Variants in HSPG2 observed in about 807,000 individuals in gnomAD.
HSPG2 encodes the protein heparan sulfate proteoglycan 2.
Under a neutral mutation model 526.6 loss-of-function variants are expected in HSPG2, and 278 were observed. The ratio of observed to expected loss-of-function variants is 0.53; its 90% confidence interval spans 0.48 to 0.58. The LOEUF (loss-of-function observed/expected upper bound fraction) is 0.58. HSPG2 is among the 20% of genes least tolerant of loss of function. The pLI is 0.00. For synonymous variants in HSPG2, 2,465 were observed against 2,555.4 expected, an observed-to-expected ratio of 0.96 and a Z score of 1.07; for missense variants, 5,354 against 6,099.5, an observed-to-expected ratio of 0.88 and a Z score of 4.07.
intron 21 of HSPG2, among the ~76,000 whole-genome samples, chr1:21,877,743 C>T (rs1483137168): frequency 1.3e-5 from 2 of 152,108 alleles, no homozygotes; most frequent in South Asian, 4.1e-4. Context: ...AGTGATCCAC[C>T]CACCTCAGCC....
At position 21,832,612 on chromosome 1, in the gene HSPG2, T is replaced by C; in HGVS notation, c.11096-6A>G. On this transcript the variant is annotated splice_polypyrimidine_tract_variant and splice_region_variant and intron_variant, in intron 80 of 96. Transcript: ENST00000374695. ...CCCATTGTACAGCAGCATCCCTGGG[T>C]GGGCACCACTGTGTAAGGGGCCCCC... 1.2e-6 allele frequency: 2 copies of C among 1,611,888 alleles called. No homozygotes were observed. Among genetic ancestry groups the C allele is most frequent in the Non-Finnish European group, 1.7e-6 (2 of 1,178,206 alleles).
chr1:21,853,333 C>T (rs1189269167), intron 50 of HSPG2, among the ~76,000 whole-genome samples: 1 of 152,250 alleles, frequency 6.6e-6, no homozygotes, highest in Non-Finnish European at 1.5e-5. Flanking sequence ...AGGGAACCAG[C>T]AAGCTTTACT....
rs756052771 is a variant in HSPG2 at position 21,830,978 on chromosome 1, G to T, written c.11671+4C>A. The T allele has an allele frequency of 1.1e-5, 17 of 1,569,764 alleles. No homozygotes were observed. In the South Asian group the frequency reaches 1.8e-4, roughly 17 times the overall value. ...CGACAGCGACTGGCGGTCGGGGTGC[G>T]TACCTGGATGGCAGTGCAGGGCCTG... On this transcript the variant is annotated splice_donor_region_variant and intron_variant, in intron 85 of 96. Coordinates refer to ENST00000374695, the MANE Select transcript of HSPG2 (RefSeq NM_005529.7).
At position 21,875,927 on chromosome 1, in the gene HSPG2, T is replaced by C. The variant is rs370768382; in HGVS notation, c.3119A>G (p.Glu1040Gly). Residue 1040 changes from glutamate to glycine, a missense_variant, in exon 24 of 97, where the codon GAG becomes GGG. Transcript: ENST00000374695. ...VVLQGNNIIL[E>G]HHVAQEPSPG... is the part of the protein sequence containing the mutation. ...GCTGGGCTCCTGGGCCACATGGTGC[T>C]CTAGGATGATGTTGTTACCTTGCAG... The C allele has an allele frequency of 1.9e-5, 30 of 1,614,032 alleles. No homozygotes were observed. The African/African-American group carries it at 2.7e-4, about 14-fold the overall frequency.
chr1:21,887,329 G>C lies in HSPG2; in HGVS notation c.964C>G (p.Pro322Ala), dbSNP rs961000525. Residue 322 changes from proline (P) to alanine (A), a missense_variant, in exon 9 of 97, where the codon CCG becomes GCG. Pro to Ala is a conservative substitution (Grantham distance 27). Coordinates refer to ENST00000374695, the MANE Select transcript of HSPG2 (RefSeq NM_005529.7). This position sits in a 1 kb window ranked among gnomAD's most constrained non-coding sequence, Gnocchi z 5.0. Reference protein sequence around the residue: ...DGSDELDCGPPPPCEPNEFPC... With the variant: ...DGSDELDCGPAPPCEPNEFPC... ...AACTCGTTGGGCTCACAGGGTGGCG[G>C]GGGGCCTAGGAGACCGGGCAGGGGT... is the stretch of plus-strand genomic sequence containing the variant. 5 of 1,613,888 alleles carry C rather than the reference G, an allele frequency of 3.1e-6. No homozygotes were observed. In the Admixed American group the frequency reaches 8.3e-5, roughly 27 times the overall value.
At chr1:21,874,764 C>T (rs1267698380) in intron 26 of HSPG2, 35 bp from the exon 27 acceptor site, 20 of 1,555,742 alleles carry the variant, frequency 1.3e-5, no homozygotes, top group African/African-American at 4.1e-5. Context: ...GAGGGACTTC[C>T]GAACACGGCC....
chr1:21,866,380 T>G (rs1049493384), intron 33 of HSPG2, among the ~76,000 whole-genome samples: 3 of 152,178 alleles, frequency 2.0e-5, no homozygotes, highest in Non-Finnish European at 2.9e-5. Flanking sequence ...AGTGGAGACA[T>G]GAGCCAGGCC....
At chr1:21,889,795 G>A in intron 6 of HSPG2, 186 bp downstream of exon 6, 1 of 663,988 alleles carries the variant, frequency 1.5e-6, no homozygotes, top group Non-Finnish European at 2.7e-6. Flanking sequence ...ACGGGTATGT[G>A]CTAGAGGAAA....
At chr1:21,860,059 C>A in intron 40 of HSPG2, 57 bp from the exon 41 acceptor site, 2 of 1,601,550 alleles carry the variant, frequency 1.2e-6, no homozygotes, top group Non-Finnish European at 1.7e-6. Context: ...AATATCTCTG[C>A]TCTCCCAAAA....
At chr1:21,916,782 A>G (rs1320581978) in intron 1 of HSPG2, among the ~76,000 whole-genome samples, 6 of 152,186 alleles carry the variant, frequency 3.9e-5, no homozygotes, top group Non-Finnish European at 5.9e-5. Flanking sequence ...AGCAGTTACC[A>G]TATCAGACAG....
chr1:21,834,939 G>T lies in HSPG2; in HGVS notation c.10460C>A (p.Pro3487His), dbSNP rs144411636. ...GGTCCGGATGTTGATGAGCACCGAG[G>T]GCAGGGCTGGGGAGGAGGGAGGCAG... ...ASAQLVIQAL[P>H]SVLINIRTSV... Residue 3487 changes from proline (P) to histidine (H), a missense_variant, in exon 77 of 97, where the codon CCC becomes CAC. Physicochemically the swap from Pro to His is moderately conservative, Grantham distance 77. Transcript: ENST00000374695. 129 of 1,612,060 alleles carry T rather than the reference G, an allele frequency of 8.0e-5. No individual in the cohort carries two copies. The Admixed American group carries it at 1.1e-3, about 13-fold the overall frequency.
At chr1:21,833,962 A>G (rs2098015768) in intron 77 of HSPG2, 37 bp from the exon 78 acceptor site, 3 of 1,391,452 alleles carry the variant, frequency 2.2e-6, no homozygotes, top group Non-Finnish European at 3.0e-6. Flanking sequence ...CATCAACATG[A>G]CAGTCACAGA....
chr1:21,836,060 G>A (rs1349732851), intron 75 of HSPG2, among the ~76,000 whole-genome samples: 1 of 151,734 alleles, frequency 6.6e-6, no homozygotes, highest in Non-Finnish European at 1.5e-5. Context: ...ACGCAGTGTT[G>A]CATTCTAGTT....
At chr1:21,825,437 A>G (rs1408086661) in intron 91 of HSPG2, among the ~76,000 whole-genome samples, 2 of 152,182 alleles carry the variant, frequency 1.3e-5, no homozygotes, top group Non-Finnish European at 1.5e-5. Context: ...GACTGTGGCA[A>G]TAAATGGTTC....
intron 1 of HSPG2, among the ~76,000 whole-genome samples, chr1:21,915,051 C>T (rs71637001): frequency 0.016 from 2,116 of 132,514 alleles, 22 homozygotes; most frequent in South Asian, 0.035. Context: ...CCTGACCAGG[C>T]GGAGGGTCCA....
chr1:21,888,779 G>A, intron 6 of HSPG2: 3 of 1,224,170 alleles, frequency 2.5e-6, no homozygotes, highest in Non-Finnish European at 3.3e-6. Flanking sequence ...GAGGGCTGCA[G>A]GGCTGGGCCA....
intron 3 of HSPG2, among the ~76,000 whole-genome samples, chr1:21,894,083 C>T (rs981392404): frequency 4.0e-5 from 6 of 151,700 alleles, no homozygotes; most frequent in Admixed American, 1.3e-4. Flanking sequence ...GCAGGACACA[C>T]GGGCATGGGG....
chr1:21,861,235 A>G (rs1046105354), intron 39 of HSPG2, among the ~76,000 whole-genome samples: 3 of 152,200 alleles, frequency 2.0e-5, no homozygotes, highest in African/African-American at 7.2e-5. Context: ...GCTGCTTGAT[A>G]AAAATTTGCT....
intron 50 of HSPG2, chr1:21,853,944 T>C: frequency 1.9e-6 from 1 of 530,502 alleles, no homozygotes; most frequent in Non-Finnish European, 3.4e-6. Context: ...CCCAGCTTAG[T>C]ATTCAACCTG....
Sources: allele counts gnomAD v4.1 joint callset (sites outside exome capture counted in the v4.1 genomes callset), GRCh38; gene constraint gnomAD v4.1.1; non-coding constraint Gnocchi (gnomAD v3.1); transcripts MANE v1.5; gene names NCBI Gene and HGNC (gene_info 2026-07-23, HGNC 2026-07-21).